The following PGCKA1 variants were observed in gnomAD, a reference collection of about 807,000 sequenced individuals.
PGCKA1 encodes the protein PDCD10 and GCKIII kinases-associated protein 1.
At chr4:37,482,646 A>G in the PGCKA1 span, among the ~76,000 whole-genome samples, 1 of 152,320 alleles carries the variant, frequency 6.6e-6, no homozygotes, top group East Asian at 1.9e-4. Context: ...TAAGGAGCCA[A>G]ATGTTAATCA....
the PGCKA1 span, among the ~76,000 whole-genome samples, chr4:37,481,056 C>T: frequency 3.9e-5 from 6 of 152,214 alleles, no homozygotes; most frequent in Non-Finnish European, 8.8e-5. Context: ...TCTAATCCAG[C>T]ATTTCCCCAA....
the PGCKA1 span, among the ~76,000 whole-genome samples, chr4:37,583,382 A>G: frequency 6.6e-6 from 1 of 151,746 alleles, no homozygotes; most frequent in Non-Finnish European, 1.5e-5. Flanking sequence ...GGCTTCACCA[A>G]TGACTGACAT....
chr4:37,502,710 C>T, the PGCKA1 span, among the ~76,000 whole-genome samples: 988 of 152,216 alleles, frequency 6.5e-3, 22 homozygotes, highest in East Asian at 0.074. Flanking sequence ...AAGGGGGCTA[C>T]GGGCCAGGGA....
the PGCKA1 span, among the ~76,000 whole-genome samples, chr4:37,501,629 A>G: frequency 2.0e-5 from 3 of 152,174 alleles, no homozygotes; most frequent in African/African-American, 7.2e-5. Context: ...TATTTCCTTC[A>G]GGAACTCTTG....
At chr4:37,464,777 A>G in the PGCKA1 span, among the ~76,000 whole-genome samples, 2 of 152,256 alleles carry the variant, frequency 1.3e-5, no homozygotes, top group South Asian at 2.1e-4. Context: ...GTCCAGGGAT[A>G]GTTTCAAATG....
the PGCKA1 span, among the ~76,000 whole-genome samples, chr4:37,524,918 G>C: frequency 1.3e-5 from 2 of 152,120 alleles, no homozygotes; most frequent in Admixed American, 6.5e-5. Flanking sequence ...ACTAGAAAAG[G>C]GAAGGGAAGG....
the PGCKA1 span, chr4:37,460,937 TAG>T: frequency 2.6e-6 from 1 of 380,276 alleles, no homozygotes; most frequent in South Asian, 2.0e-5. Context: ...TGGTATTGCC[TAG>T]ATTCTCTTCT....
At chr4:37,580,735 G>C in the PGCKA1 span, among the ~76,000 whole-genome samples, 1 of 152,164 alleles carries the variant, frequency 6.6e-6, no homozygotes, top group Non-Finnish European at 1.5e-5. Context: ...ATCTTACCCA[G>C]GGCCCTCTGT....
chr4:37,469,190 A>C, the PGCKA1 span, among the ~76,000 whole-genome samples: 21 of 152,196 alleles, frequency 1.4e-4, no homozygotes, highest in African/African-American at 5.1e-4. Flanking sequence ...GGTTTGTATA[A>C]GTACACTCTG....
chr4:37,546,397 A>G, the PGCKA1 span, among the ~76,000 whole-genome samples: 4 of 152,216 alleles, frequency 2.6e-5, no homozygotes, highest in Non-Finnish European at 5.9e-5. Context: ...CAGGCATTGT[A>G]TGGAAGAACA....
the PGCKA1 span, among the ~76,000 whole-genome samples, chr4:37,476,210 C>T: frequency 6.6e-6 from 1 of 152,074 alleles, no homozygotes; most frequent in Non-Finnish European, 1.5e-5. Context: ...ATATATTTAG[C>T]ACATGGTTTG....
At chr4:37,534,814 C>G in the PGCKA1 span, among the ~76,000 whole-genome samples, 1 of 152,180 alleles carries the variant, frequency 6.6e-6, no homozygotes, top group Non-Finnish European at 1.5e-5. Context: ...GGCCTCACCT[C>G]TTAACATTTC....
the PGCKA1 span, among the ~76,000 whole-genome samples, chr4:37,494,122 CTA>C: frequency 6.6e-6 from 1 of 151,982 alleles, no homozygotes; most frequent in Non-Finnish European, 1.5e-5. Flanking sequence ...CACGGTAGCT[CTA>C]TTTTTAGGTT....
chr4:37,535,545 C>T, the PGCKA1 span, among the ~76,000 whole-genome samples: 3 of 152,124 alleles, frequency 2.0e-5, no homozygotes, highest in African/African-American at 4.8e-5. Flanking sequence ...CTTCCAGAGC[C>T]CCACTTCGCT....
At chr4:37,529,044 T>C in the PGCKA1 span, among the ~76,000 whole-genome samples, 1 of 152,244 alleles carries the variant, frequency 6.6e-6, no homozygotes, top group Non-Finnish European at 1.5e-5. Flanking sequence ...ATTTGGTTTA[T>C]CATATTTGTG....
chr4:37,587,113 T>C, the PGCKA1 span, among the ~76,000 whole-genome samples: 3 of 152,280 alleles, frequency 2.0e-5, no homozygotes, highest in Middle Eastern at 3.4e-3. Flanking sequence ...GCCAGTACTC[T>C]TGGTTTGTGA....
chr4:37,455,305 G>T, the PGCKA1 span, among the ~76,000 whole-genome samples: 7 of 152,162 alleles, frequency 4.6e-5, no homozygotes, highest in African/African-American at 9.7e-5. Flanking sequence ...CTGTCAGGAG[G>T]CAGATAATTG....
chr4:37,506,947 A>G, the PGCKA1 span, among the ~76,000 whole-genome samples: 9 of 152,066 alleles, frequency 5.9e-5, no homozygotes, highest in Non-Finnish European at 1.3e-4. Flanking sequence ...TTTGCTTTAT[A>G]TATCTGGGTG....
chr4:37,533,121 T>C, the PGCKA1 span, among the ~76,000 whole-genome samples: 2 of 134,958 alleles, frequency 1.5e-5, no homozygotes, highest in Non-Finnish European at 3.3e-5. Context: ...AATTTAAAAA[T>C]TAAAACATTA....
Sources: allele counts gnomAD v4.1 joint callset (sites outside exome capture counted in the v4.1 genomes callset), GRCh38; gene constraint gnomAD v4.1.1; transcripts MANE v1.5; gene names NCBI Gene and HGNC (gene_info 2026-07-23, HGNC 2026-07-21).